ABCA12: variants seen among roughly 807,000 people sequenced by gnomAD.
The protein encoded by ABCA12 is glucosylceramide transporter ABCA12.
In ABCA12, 156 loss-of-function variants were observed where a neutral mutation model predicts 293.5. That is an observed-to-expected ratio of 0.53 (90% CI 0.47 to 0.61). The LOEUF (loss-of-function observed/expected upper bound fraction) is 0.61. Ranked by LOEUF, ABCA12 falls within the 20% of genes least tolerant of loss-of-function variation. The probability of loss-of-function intolerance (pLI) is 0.00; values close to 1 mark genes in which losing one functional copy is unlikely to be tolerated. For synonymous variants in ABCA12, 1,063 were observed against 1,108.0 expected (o/e 0.96, Z 0.81); for missense variants, 2,797 against 3,090.2 (o/e 0.91, Z 2.25).
intron 2 of ABCA12, among the ~76,000 whole-genome samples, chr2:215,072,566 G>C (rs1203276144): frequency 6.6e-6 from 1 of 152,154 alleles, no homozygotes; most frequent in Non-Finnish European, 1.5e-5. Flanking sequence ...TGCATGTCCA[G>C]ACCAAAATGT....
Position 214,931,679 on chromosome 2 carries a change from A to C in ABCA12, c.*955T>G, listed in dbSNP as rs747711737. On this transcript the variant is annotated 3_prime_UTR_variant, in exon 53 of 53. Coordinates refer to ENST00000272895, the MANE Select transcript of ABCA12 (RefSeq NM_173076.3). ...TTTCCCCAGGGCCACGTCACTTGCC[A>C]TTATTAAGAAGTCTATCCTATAGCC... is the stretch of plus-strand genomic sequence containing the variant. 6.6e-6 allele frequency: 1 copy of C among 152,670 alleles called. No homozygotes were observed. Among genetic ancestry groups the C allele is most frequent in the Non-Finnish European group, 1.5e-5 (1 of 68,082 alleles). 9.5% of individuals were successfully genotyped at this position (152,670 alleles called of 1,614,324 possible). A position where few individuals can be genotyped will look rare whatever the true frequency, so the allele number is the denominator to read the frequency against.
chr2:215,095,962 C>T (rs1009708729), intron 2 of ABCA12, among the ~76,000 whole-genome samples: 1 of 152,168 alleles, frequency 6.6e-6, no homozygotes, highest in Non-Finnish European at 1.5e-5. Context: ...TGCCTGCACC[C>T]AGGTGATTAA....
rs751960280 is a variant in ABCA12 at position 214,950,990 on chromosome 2, A to G, written c.6741T>C (p.Gly2247=). The G allele has an allele frequency of 1.9e-6, 3 of 1,613,992 alleles. No homozygotes were observed. The highest frequency in any genetic ancestry group is 2.2e-5 in the East Asian group (1 of 44,886). Reference sequence around the variant, plus strand: ...GTTGGACCAAGTCAAATTCAGCTGCACCACTCTCAACTCTTAATCTCTCAG... The same window carrying G: ...GTTGGACCAAGTCAAATTCAGCTGCGCCACTCTCAACTCTTAATCTCTCAG... ...VRAERLRVES[G]AAEFDLVQLY... Residue 2247 remains glycine (G), a synonymous_variant, in exon 45 of 53, where the codon GGT becomes GGC. Coordinates refer to ENST00000272895, the MANE Select transcript of ABCA12 (RefSeq NM_173076.3).
rs1203424589 is a variant in ABCA12, at chr2:215,119,752, A to AAAAAAAAAAAC, written c.70-8063_70-8062insGTTTTTTTTTT. ...TAAAAAGTAAAAAAAAAAAAAAAAA[A>AAAAAAAAAAAC]TGAAAACAAAACAAAAAAAAACAGA... On this transcript the variant is annotated intron_variant, in intron 1 of 52. Coordinates refer to ENST00000272895, the MANE Select transcript of ABCA12 (RefSeq NM_173076.3). Among the ~76,000 whole-genome samples the AAAAAAAAAAAC allele has an allele frequency of 4.8e-3, 690 of 142,844 alleles. 15 individuals carry two copies. Among genetic ancestry groups the AAAAAAAAAAAC allele is most frequent in the African/African-American group, 0.02 (671 of 33,948 alleles). 93.7% of individuals were successfully genotyped at this position (142,844 alleles called of 152,430 possible).
chr2:214,942,022 G>A (rs1698422758), intron 50 of ABCA12, among the ~76,000 whole-genome samples: 2 of 152,034 alleles, frequency 1.3e-5, no homozygotes, highest in Non-Finnish European at 2.9e-5. Flanking sequence ...GTTATTTTGT[G>A]TTTGTTAGTT....
At chr2:215,074,272 G>T (rs535220161) in intron 2 of ABCA12, among the ~76,000 whole-genome samples, 41 of 152,254 alleles carry the variant, frequency 2.7e-4, no homozygotes, top group African/African-American at 9.6e-4. Flanking sequence ...AAGTCTTAAT[G>T]TACTAAAACT....
intron 2 of ABCA12, among the ~76,000 whole-genome samples, chr2:215,106,341 C>T (rs1401950407): frequency 6.6e-6 from 1 of 151,976 alleles, no homozygotes; most frequent in Non-Finnish European, 1.5e-5. Flanking sequence ...AGAAAAACAA[C>T]TTGAGTTCAT....
intron 23 of ABCA12, among the ~76,000 whole-genome samples, chr2:214,992,804 T>A (rs1436811035): frequency 2.6e-5 from 4 of 151,950 alleles, no homozygotes; most frequent in Non-Finnish European, 5.9e-5. Flanking sequence ...GAGGTTGCAG[T>A]GAGCCGAGAT....
intron 7 of ABCA12, among the ~76,000 whole-genome samples, chr2:215,045,360 C>T (rs929800748): frequency 6.6e-6 from 1 of 152,162 alleles, no homozygotes; most frequent in African/African-American, 2.4e-5. Context: ...TCTAAGCTGA[C>T]TACACATGAG....
At chr2:215,028,579 T>C (rs59677447) in intron 9 of ABCA12, among the ~76,000 whole-genome samples, 1,760 of 152,294 alleles carry the variant, frequency 0.012, 29 homozygotes, top group African/African-American at 0.04. Flanking sequence ...GTTAATGCCA[T>C]TGATCAATTC....
chr2:214,989,972 A>G (rs1001871358), intron 24 of ABCA12, among the ~76,000 whole-genome samples: 3 of 152,246 alleles, frequency 2.0e-5, no homozygotes, highest in Non-Finnish European at 4.4e-5. Flanking sequence ...TAAGGGCCAG[A>G]AGGCATTTTC....
chr2:214,969,296 T>C (rs543789748), intron 37 of ABCA12, among the ~76,000 whole-genome samples: 194 of 152,158 alleles, frequency 1.3e-3, no homozygotes, highest in African/African-American at 4.5e-3. Flanking sequence ...AAGTTGGGTC[T>C]TGTCAATTCA....
chr2:215,010,604 G>GCCTCACATCTGTTAA, intron 17 of ABCA12, 134 bp from the exon 18 acceptor site: 2 of 1,020,980 alleles, frequency 2.0e-6, no homozygotes, highest in Non-Finnish European at 2.9e-6. Context: ...ATTAACAGAT[G>GCCTCACATCTGTTAA]TGAGGCATCT....
At position 215,026,955 on chromosome 2, in the gene ABCA12, G is replaced by C. The variant is rs1030071488; in HGVS notation, c.1062-17C>G. 6.6e-6 allele frequency: 10 copies of C among 1,512,876 alleles called. No homozygotes were observed. Among genetic ancestry groups the C allele is most frequent in the Non-Finnish European group, 9.2e-6 (10 of 1,088,668 alleles). 93.7% of individuals were successfully genotyped at this position (1,512,876 alleles called of 1,614,324 possible). ...ATTAGGAGCCTGCAGAATTAGAAAA[G>C]AATATAGAAATTAAGACATATAAAA... is the stretch of plus-strand genomic sequence containing the variant. On this transcript the variant is annotated splice_polypyrimidine_tract_variant and intron_variant, in intron 9 of 52. Coordinates refer to ENST00000272895, the MANE Select transcript of ABCA12 (RefSeq NM_173076.3).
rs771453617 is a variant in ABCA12 at position 215,004,230 on chromosome 2, A to G, written c.2662T>C (p.Leu888=). ...FSVGLDAVEL[L]KQIDELDILR... is the part of the protein sequence containing the mutation. ...TCACCGAGTTCATCTATCTGTTTCAATAGTTCAACAGCATCGAGTCCCACG... is the reference window on the plus strand; with the variant it reads ...TCACCGAGTTCATCTATCTGTTTCAGTAGTTCAACAGCATCGAGTCCCACG... The change falls in exon 20 of 53, where the codon TTG becomes CTG. Residue 888 remains leucine (L), a synonymous_variant. Transcript: ENST00000272895. 9.3e-6 allele frequency: 15 copies of G among 1,613,980 alleles called. No homozygotes were observed. The South Asian group carries it at 1.4e-4, about 15-fold the overall frequency.
intron 7 of ABCA12, among the ~76,000 whole-genome samples, chr2:215,043,213 G>T (rs1343454799): frequency 6.6e-6 from 1 of 152,062 alleles, no homozygotes; most frequent in Non-Finnish European, 1.5e-5. Flanking sequence ...ATTTATATGT[G>T]TTATTTTGAG....
At position 214,956,787 on chromosome 2, in the gene ABCA12, A is replaced by G. The variant is rs777887667; in HGVS notation, c.6118-9T>C. 1.3e-6 allele frequency: 2 copies of G among 1,588,354 alleles called. No homozygotes were observed. Among genetic ancestry groups the G allele is most frequent in the Non-Finnish European group, 1.7e-6 (2 of 1,157,086 alleles). ...GGCACCAAGTAGAAAACCTATGGAA[A>G]TATTCAAAACAATGTTTAATACGTG... On this transcript the variant is annotated splice_polypyrimidine_tract_variant and intron_variant, in intron 41 of 52. Coordinates refer to ENST00000272895, the MANE Select transcript of ABCA12 (RefSeq NM_173076.3).
chr2:215,016,246 A>G (rs1158840175), intron 14 of ABCA12, among the ~76,000 whole-genome samples: 6 of 151,850 alleles, frequency 4.0e-5, no homozygotes, highest in Admixed American at 3.9e-4. Context: ...ATACCAAGAA[A>G]GACAAGTGGT....
At chr2:215,121,550 C>T (rs1368321704) in intron 1 of ABCA12, among the ~76,000 whole-genome samples, 1 of 152,058 alleles carries the variant, frequency 6.6e-6, no homozygotes, top group Non-Finnish European at 1.5e-5. Flanking sequence ...CAGAATAAAC[C>T]TTAGTTCCCA....
Sources: allele counts gnomAD v4.1 joint callset (sites outside exome capture counted in the v4.1 genomes callset), GRCh38; gene constraint gnomAD v4.1.1; transcripts MANE v1.5; gene names NCBI Gene and HGNC (gene_info 2026-07-23, HGNC 2026-07-21).